KAT6B: variants seen among roughly 807,000 people sequenced by gnomAD.
KAT6B encodes the protein histone acetyltransferase KAT6B.
A neutral mutation model predicts 187.5 loss-of-function variants in KAT6B; 10 were observed. The observed-to-expected ratio is 0.05, with a 90% CI of 0.03 to 0.09. The LOEUF is 0.09. KAT6B is among the 10% of genes least tolerant of loss of function. The pLI is 1.00. For missense variants in KAT6B, 1,952 were observed against 2,558.9 expected (o/e 0.76, Z 5.12); for synonymous variants, 861 against 926.8 (o/e 0.93, Z 1.29).
chr10:75,026,909 G>T (rs1469979301), intron 17 of KAT6B, among the ~76,000 whole-genome samples: 1 of 152,146 alleles, frequency 6.6e-6, no homozygotes, highest in South Asian at 2.1e-4. Context: ...GCCGAGGTAG[G>T]CAGATCACCT....
At chr10:74,921,544 G>T (rs1436759115) in intron 3 of KAT6B, among the ~76,000 whole-genome samples, 1 of 152,146 alleles carries the variant, frequency 6.6e-6, no homozygotes, top group Non-Finnish European at 1.5e-5. Context: ...CACTAAGGGG[G>T]TTGTAGCTAT....
chr10:75,027,051 A>G (rs1320176121), intron 17 of KAT6B, among the ~76,000 whole-genome samples: 1 of 152,168 alleles, frequency 6.6e-6, no homozygotes, highest in African/African-American at 2.4e-5. Flanking sequence ...AGGCAGGAGA[A>G]TCGCTTGAAC....
chr10:74,907,833 A>G (rs1846886621), intron 3 of KAT6B, among the ~76,000 whole-genome samples: 1 of 152,198 alleles, frequency 6.6e-6, no homozygotes. Context: ...CCCAGCCATG[A>G]TGGCTTTTCC....
At chr10:74,969,554 G>A in intron 4 of KAT6B, 106 bp from the exon 5 acceptor site, 1 of 727,970 alleles carries the variant, frequency 1.4e-6, no homozygotes, top group Non-Finnish European at 2.5e-6. Flanking sequence ...AGTTCCTAAG[G>A]TTCATTGGCT....
rs543923341 is a variant in KAT6B at position 74,884,937 on chromosome 10, T to TTC, written c.621+41463_621+41464dup. ...AGAACCTTCTTTGATGATGGAAATT[T>TTC]TCTCTATCTGCACCATCCAATATGG... is the stretch of plus-strand genomic sequence containing the variant. On this transcript the variant is annotated intron_variant, in intron 3 of 17. Coordinates refer to ENST00000287239, the MANE Select transcript of KAT6B (RefSeq NM_012330.4). Among the ~76,000 whole-genome samples the TTC allele has an allele frequency of 9.2e-5, 14 of 152,306 alleles. No individual in the cohort carries two copies. The South Asian group carries it at 2.9e-3, about 32-fold the overall frequency.
intron 3 of KAT6B, among the ~76,000 whole-genome samples, chr10:74,929,040 G>A (rs1431597551): frequency 5.3e-5 from 8 of 152,142 alleles, no homozygotes; most frequent in Admixed American, 1.3e-4. Context: ...ATAAAAGTAC[G>A]CAAAGCTTTT....
chr10:74,913,961 G>A (rs937030027), intron 3 of KAT6B, among the ~76,000 whole-genome samples: 5 of 152,158 alleles, frequency 3.3e-5, no homozygotes, highest in East Asian at 3.8e-4. Flanking sequence ...TGAGGCAGGC[G>A]GATTGCCTGA....
intron 17 of KAT6B, among the ~76,000 whole-genome samples, chr10:75,026,947 C>A (rs1376993837): frequency 6.6e-6 from 1 of 152,066 alleles, no homozygotes; most frequent in Non-Finnish European, 1.5e-5. Context: ...ACCAGCCTGA[C>A]CAACATGGTG....
rs547713429 is a variant in KAT6B, at chr10:74,912,293, C to CATGT, written c.622-47653_622-47650dup. 4.5e-3 allele frequency among the ~76,000 whole-genome samples: 674 copies of CATGT among 150,572 alleles called. 1 individual carries two copies. The highest frequency in any genetic ancestry group is 7.4e-3 in the Non-Finnish European group (499 of 67,736). On this transcript the variant is annotated intron_variant, in intron 3 of 17. Coordinates refer to ENST00000287239, the MANE Select transcript of KAT6B (RefSeq NM_012330.4). The stretch of plus-strand genomic sequence containing the variant: ...GTTTGGGAATGTTAATTGATTGTCT[C>CATGT]ATGTATGTATGTATGTATGTATGTA...
intron 3 of KAT6B, among the ~76,000 whole-genome samples, chr10:74,946,579 A>G (rs1839965630): frequency 6.6e-6 from 1 of 152,230 alleles, no homozygotes; most frequent in Admixed American, 6.5e-5. Context: ...CAGATACAAC[A>G]ATGTATGTGA....
chr10:74,940,300 G>A (rs949913342), intron 3 of KAT6B, among the ~76,000 whole-genome samples: 26 of 145,742 alleles, frequency 1.8e-4, no homozygotes, highest in Admixed American at 1.4e-3. Flanking sequence ...TTTTGAGACA[G>A]AGTCTCGCTC....
intron 3 of KAT6B, among the ~76,000 whole-genome samples, chr10:74,896,335 G>GC (rs1417721354): frequency 6.6e-6 from 1 of 152,082 alleles, no homozygotes; most frequent in Non-Finnish European, 1.5e-5. Flanking sequence ...CATCACCCAG[G>GC]CTGGAGTACA....
Position 74,843,462 on chromosome 10 carries a change from C to T in KAT6B, c.605C>T (p.Pro202Leu), listed in dbSNP as rs1841887461. Reference sequence around the variant, plus strand: ...TCGCTCCCACCTGTCAGCCTTCTACCCCATGAGAAAGACCAGGTAAGCGAA... The same window carrying T: ...TCGCTCCCACCTGTCAGCCTTCTACTCCATGAGAAAGACCAGGTAAGCGAA... ...PSSLPPVSLL[P>L]HEKDQPRADP... is the part of the protein sequence containing the mutation. The change falls in exon 3 of 18, where the codon CCC becomes CTC. Residue 202 changes from proline (P) to leucine (L), a missense_variant. Pro to Leu is a moderately conservative substitution (Grantham distance 98). This residue lies in a region of KAT6B where 218 missense variants were observed against 282.6 expected (regional missense o/e 0.77). Transcript: ENST00000287239. The T allele has an allele frequency of 1.2e-6, 2 of 1,613,674 alleles. No individual in the cohort carries two copies. Among genetic ancestry groups the T allele is most frequent in the Non-Finnish European group, 1.7e-6 (2 of 1,180,016 alleles).
At chr10:74,900,441 C>T (rs913519999) in intron 3 of KAT6B, among the ~76,000 whole-genome samples, 3 of 152,160 alleles carry the variant, frequency 2.0e-5, no homozygotes, top group Admixed American at 2.0e-4. Flanking sequence ...GTAGGTTTTG[C>T]GTTTTGCTTG....
intron 3 of KAT6B, among the ~76,000 whole-genome samples, chr10:74,850,785 A>G (rs1489298604): frequency 6.6e-6 from 1 of 152,350 alleles, no homozygotes; most frequent in African/African-American, 2.4e-5. Flanking sequence ...TTAAGATTCC[A>G]TTTGAACATT....
chr10:74,917,060 A>G (rs1053878500), intron 3 of KAT6B, among the ~76,000 whole-genome samples: 5 of 152,192 alleles, frequency 3.3e-5, no homozygotes, highest in Non-Finnish European at 7.4e-5. Flanking sequence ...AACTGAGATC[A>G]CACCACTGCC....
chr10:74,990,410 T>C (rs1180964773), intron 13 of KAT6B, among the ~76,000 whole-genome samples: 1 of 152,078 alleles, frequency 6.6e-6, no homozygotes, highest in Non-Finnish European at 1.5e-5. Context: ...AAATCTATAT[T>C]GTTAGGTATT....
At chr10:74,932,477 G>A (rs188651543) in intron 3 of KAT6B, among the ~76,000 whole-genome samples, 202 of 151,860 alleles carry the variant, frequency 1.3e-3, no homozygotes, top group South Asian at 2.5e-3. Context: ...CCCATGCCTG[G>A]TGGATCAGTA....
At chr10:74,872,092 A>G (rs1844028888) in intron 3 of KAT6B, among the ~76,000 whole-genome samples, 1 of 152,170 alleles carries the variant, frequency 6.6e-6, no homozygotes, top group South Asian at 2.1e-4. Flanking sequence ...ACTAACAGTA[A>G]CCTAAGGGAA....
Sources: allele counts gnomAD v4.1 joint callset (sites outside exome capture counted in the v4.1 genomes callset), GRCh38; gene constraint gnomAD v4.1.1; regional missense constraint gnomAD v4.1.1; transcripts MANE v1.5; gene names NCBI Gene and HGNC (gene_info 2026-07-23, HGNC 2026-07-21).